LIMA1: variants seen among roughly 807,000 people sequenced by gnomAD.
LIMA1 encodes LIM domain and actin-binding protein 1.
LIMA1 carries 52 observed loss-of-function variants against 62.6 expected under a neutral mutation model. That is an observed-to-expected ratio of 0.83 (90% CI 0.67 to 1.05). The LOEUF (loss-of-function observed/expected upper bound fraction) is 1.05, where lower values mean the gene tolerates loss of function less well. LIMA1 is among the 50% of genes least tolerant of loss of function. The probability of loss-of-function intolerance (pLI) is 0.00; values close to 1 mark genes in which losing one functional copy is unlikely to be tolerated. For synonymous variants in LIMA1, 302 were observed against 317.8 expected, an observed-to-expected ratio of 0.95 and a Z score of 0.53; for missense variants, 780 against 902.2, an observed-to-expected ratio of 0.86 and a Z score of 1.74.
In LIMA1 at chr12:50,176,928, G is replaced by T; in HGVS notation, c.*136C>A. On this transcript the variant is annotated 3_prime_UTR_variant, in exon 11 of 11. Coordinates refer to ENST00000341247, the MANE Select transcript of LIMA1 (RefSeq NM_016357.5). ...TTGTTTTGTTTTTGATTTTAAGAAGGAATTCTTTTCCAAAGTTACTTCCAA... is the reference window on the plus strand; with the variant it reads ...TTGTTTTGTTTTTGATTTTAAGAAGTAATTCTTTTCCAAAGTTACTTCCAA... 2 of 665,220 alleles carry T rather than the reference G, an allele frequency of 3.0e-6. No individual in the cohort carries two copies. The highest frequency in any genetic ancestry group is 4.8e-6 in the Non-Finnish European group (2 of 421,010). The allele number at this position is 665,220 out of a possible 1,614,324, so 41.2% of individuals were successfully genotyped here.
Position 50,259,304 on chromosome 12 carries a change from A to G in LIMA1, c.-23-10530T>C, listed in dbSNP as rs368664849. On this transcript the variant is annotated intron_variant, in intron 1 of 10. Transcript: ENST00000341247. ...AAGTCAATCCCCCTGCCTTATAATA[A>G]TTTCATAATTCCTACTCAATAGCAA... Among the ~76,000 whole-genome samples the G allele has an allele frequency of 8.6e-4, 131 of 152,248 alleles. 1 individual carries two copies. In the South Asian group the frequency reaches 0.027, roughly 31 times the overall value.
Position 50,185,494 on chromosome 12 carries a change from C to T in LIMA1, c.1141-3457G>A, listed in dbSNP as rs1310030454. 3.9e-5 allele frequency: 18 copies of T among 455,898 alleles called. No individual in the cohort carries two copies. In the East Asian group the frequency reaches 5.6e-4, roughly 14 times the overall value. The allele number at this position is 455,898 out of a possible 1,614,324, so 28.2% of individuals were successfully genotyped here. On this transcript the variant is annotated intron_variant, in intron 9 of 10. Coordinates refer to ENST00000341247, the MANE Select transcript of LIMA1 (RefSeq NM_016357.5). ...CCTTCAATGAATACACAGCATTTGG[C>T]GTGCCCTGGAGAGCTTTACTGCAGC... is the stretch of plus-strand genomic sequence containing the variant.
rs1283539195 is a variant in LIMA1 at position 50,177,751 on chromosome 12, G to A, written c.1593C>T (p.Ala531=). 8 of 1,614,136 alleles carry A rather than the reference G, an allele frequency of 5.0e-6. No homozygotes were observed. The highest frequency in any genetic ancestry group is 5.9e-6 in the Non-Finnish European group (7 of 1,180,024). The part of the protein sequence containing the change: ...KPAETKKLRI[A]WPPPTELGSS... ...TTCCAAGTTCAGTGGGGGGTGGCCA[G>A]GCGATCCTCAGCTTCTTGGTTTCAG... The change falls in exon 11 of 11, where the codon GCC becomes GCT. Residue 531 remains alanine (A), a synonymous_variant. Coordinates refer to ENST00000341247, the MANE Select transcript of LIMA1 (RefSeq NM_016357.5).
chr12:50,280,381 A>C (rs1178331429), intron 1 of LIMA1, among the ~76,000 whole-genome samples: 1 of 151,824 alleles, frequency 6.6e-6, no homozygotes, highest in Non-Finnish European at 1.5e-5. Context: ...GATGGTCTCG[A>C]TCTCCTGACC....
chr12:50,255,871 C>T (rs1941989949), intron 1 of LIMA1, among the ~76,000 whole-genome samples: 1 of 151,836 alleles, frequency 6.6e-6, no homozygotes, highest in Non-Finnish European at 1.5e-5. Context: ...CATTCTTGAA[C>T]ATTTTTTGGA....
At chr12:50,225,090 CG>C in intron 3 of LIMA1, among the ~76,000 whole-genome samples, 1 of 151,870 alleles carries the variant, frequency 6.6e-6, no homozygotes, top group South Asian at 2.1e-4. Context: ...TTAGTAGAGA[CG>C]GGGTTTCTCC....
At position 50,177,547 on chromosome 12, in the gene LIMA1, GC is replaced by G; in HGVS notation, c.1796del (p.Ser599ThrfsTer82). ...RPFTVAASFQ[S>X]TSVKSPKTVS... ...CAGTTTTTGGGCTCTTGACAGAGGT[GC>G]TTTGAAATGAAGCTGCTACAGTGAA... is the stretch of plus-strand genomic sequence containing the variant. On this transcript the variant is annotated frameshift_variant, in exon 11 of 11. Coordinates refer to ENST00000341247, the MANE Select transcript of LIMA1 (RefSeq NM_016357.5). LOFTEE classifies it low-confidence loss of function (END_TRUNC). The G allele has an allele frequency of 6.2e-7, 1 of 1,611,398 alleles. No individual in the cohort carries two copies. The highest frequency in any genetic ancestry group is 8.5e-7 in the Non-Finnish European group (1 of 1,179,004).
chr12:50,262,308 C>T (rs1476623817), intron 1 of LIMA1, among the ~76,000 whole-genome samples: 2 of 152,128 alleles, frequency 1.3e-5, no homozygotes, highest in African/African-American at 4.8e-5. Context: ...TTTGAGTGTA[C>T]ATAGAATCAC....
At chr12:50,190,534 A>ATT (rs11359577) in intron 9 of LIMA1, among the ~76,000 whole-genome samples, 2 of 124,082 alleles carry the variant, frequency 1.6e-5, no homozygotes, top group Non-Finnish European at 3.3e-5. Context: ...TGCCCGGCTA[A>ATT]TTTTTTTTTT....
At position 50,226,776 on chromosome 12, in the gene LIMA1, T is replaced by A. The variant is rs1592536319; in HGVS notation, c.166-4291A>T. On this transcript the variant is annotated intron_variant, in intron 3 of 10. Coordinates refer to ENST00000341247, the MANE Select transcript of LIMA1 (RefSeq NM_016357.5). ...ATCGCTTGAACCCGGGAGGCGGAGGTTGCAGTGAGCTGCGATCATGCCACT... is the reference window on the plus strand; with the variant it reads ...ATCGCTTGAACCCGGGAGGCGGAGGATGCAGTGAGCTGCGATCATGCCACT... Among the ~76,000 whole-genome samples, 2 of 151,426 alleles carry A rather than the reference T, an allele frequency of 1.3e-5. 1 individual carries two copies. The highest frequency in any genetic ancestry group is 4.2e-4 in the South Asian group (2 of 4,818).
At chr12:50,200,399 C>T (rs1262726117) in intron 7 of LIMA1, among the ~76,000 whole-genome samples, 1 of 151,904 alleles carries the variant, frequency 6.6e-6, no homozygotes, top group Non-Finnish European at 1.5e-5. Context: ...TGGGGTTTCA[C>T]CCTGTGGGCT....
At chr12:50,221,988 C>T (rs1941449477) in intron 4 of LIMA1, 33 bp downstream of exon 4, 1 of 1,561,234 alleles carries the variant, frequency 6.4e-7, no homozygotes, top group Non-Finnish European at 8.7e-7. Flanking sequence ...CTTGAATTGG[C>T]TTTCTCAAGT....
chr12:50,223,867 G>A (rs1002261953), intron 3 of LIMA1, among the ~76,000 whole-genome samples: 1 of 152,010 alleles, frequency 6.6e-6, no homozygotes, highest in Non-Finnish European at 1.5e-5. Context: ...GTGAAACCAC[G>A]TCTCTACTAA....
At chr12:50,271,308 A>G (rs930455071) in intron 1 of LIMA1, among the ~76,000 whole-genome samples, 2 of 152,198 alleles carry the variant, frequency 1.3e-5, no homozygotes, top group Non-Finnish European at 2.9e-5. Context: ...TAAAATTTGT[A>G]GGTCATGAAG....
At chr12:50,240,030 AC>A (rs1941752583) in intron 2 of LIMA1, among the ~76,000 whole-genome samples, 2 of 148,708 alleles carry the variant, frequency 1.3e-5, no homozygotes, top group Non-Finnish European at 3.0e-5. Context: ...ACATAACATA[AC>A]ATAACATAAC....
At position 50,177,251 on chromosome 12, in the gene LIMA1, G is replaced by A; in HGVS notation, c.2093C>T (p.Ser698Phe). Residue 698 changes from serine (S) to phenylalanine (F), a missense_variant, in exon 11 of 11, where the codon TCT becomes TTT. Coordinates refer to ENST00000341247, the MANE Select transcript of LIMA1 (RefSeq NM_016357.5). ...ATTCAGAGACTTGGGTTCTTGTGGA[G>A]ATTGTTGTTTGAGGAAGCTGTTATC... Reference protein sequence around the residue: ...EDDNSFLKQQSPQEPKSLNWS... With the variant: ...EDDNSFLKQQFPQEPKSLNWS... The A allele has an allele frequency of 6.2e-7, 1 of 1,614,094 alleles. No homozygotes were observed. The highest frequency in any genetic ancestry group is 2.2e-5 in the East Asian group (1 of 44,888).
intron 1 of LIMA1, among the ~76,000 whole-genome samples, chr12:50,252,503 C>T (rs1408276750): frequency 6.6e-6 from 1 of 150,400 alleles, no homozygotes. Flanking sequence ...CTCTCTCGAA[C>T]CTGGGAGGCG....
intron 1 of LIMA1, among the ~76,000 whole-genome samples, chr12:50,261,578 T>C (rs1238197989): frequency 1.3e-5 from 2 of 152,124 alleles, no homozygotes. Context: ...GGTGACACTT[T>C]GTTCCAGATG....
At chr12:50,267,241 A>C (rs1488610257) in intron 1 of LIMA1, among the ~76,000 whole-genome samples, 1 of 151,694 alleles carries the variant, frequency 6.6e-6, no homozygotes, top group Non-Finnish European at 1.5e-5. Flanking sequence ...GGCTAATTTT[A>C]TATGTATTTT....
Sources: allele counts gnomAD v4.1 joint callset (sites outside exome capture counted in the v4.1 genomes callset), GRCh38; gene constraint gnomAD v4.1.1; transcripts MANE v1.5; gene names NCBI Gene and HGNC (gene_info 2026-07-23, HGNC 2026-07-21).